Variants in GALNTL6 observed in about 807,000 individuals in gnomAD.
The protein encoded by GALNTL6 is polypeptide N-acetylgalactosaminyltransferase-like 6.
GALNTL6 carries 46 observed loss-of-function variants against 73.7 expected under a neutral mutation model. That is an observed-to-expected ratio of 0.62 (90% confidence interval 0.49 to 0.80). The LOEUF (loss-of-function observed/expected upper bound fraction) is 0.80. GALNTL6 is among the 30% of genes least tolerant of loss of function. The pLI is 0.00. For synonymous variants in GALNTL6, 259 were observed against 263.7 expected (o/e 0.98, Z 0.17); for missense variants, 604 against 755.0 (o/e 0.80, Z 2.34).
Position 172,093,175 on chromosome 4 carries a change from A to G in GALNTL6, c.139-136481A>G, listed in dbSNP as rs142879445. ...GCGTGAGCCACTGCTCCCGGCCATA[A>G]AGTTAATTTTAATAAAACCTTGTAA... On this transcript the variant is annotated intron_variant, in intron 2 of 12. Coordinates refer to ENST00000506823, the MANE Select transcript of GALNTL6 (RefSeq NM_001034845.3). Among the ~76,000 whole-genome samples the G allele has an allele frequency of 3.7e-3, 556 of 152,082 alleles. 3 individuals carry two copies. The highest frequency in any genetic ancestry group is 0.013 in the African/African-American group (534 of 41,514).
chr4:172,738,337 C>T (rs1010390545), intron 5 of GALNTL6, among the ~76,000 whole-genome samples: 1 of 152,150 alleles, frequency 6.6e-6, no homozygotes, highest in Non-Finnish European at 1.5e-5. Flanking sequence ...GAAACTGGCT[C>T]ATCCTCATAC....
At chr4:172,418,609 C>G (rs965021210) in intron 5 of GALNTL6, among the ~76,000 whole-genome samples, 14 of 152,118 alleles carry the variant, frequency 9.2e-5, no homozygotes, top group Non-Finnish European at 2.1e-4. Flanking sequence ...GGCTTATGAC[C>G]AAGAGAATAA....
chr4:172,125,037 A>G (rs1282796715), intron 2 of GALNTL6, among the ~76,000 whole-genome samples: 1 of 152,194 alleles, frequency 6.6e-6, no homozygotes, highest in Non-Finnish European at 1.5e-5. Flanking sequence ...AGAAAAAATT[A>G]TGAGAGCTGA....
At chr4:172,203,336 G>C (rs1736014243) in intron 2 of GALNTL6, among the ~76,000 whole-genome samples, 1 of 152,192 alleles carries the variant, frequency 6.6e-6, no homozygotes, top group African/African-American at 2.4e-5. Flanking sequence ...TGTCAAGAAA[G>C]AGGTAAAAAT....
intron 5 of GALNTL6, among the ~76,000 whole-genome samples, chr4:172,384,582 G>C (rs962706058): frequency 6.7e-6 from 1 of 150,150 alleles, no homozygotes; most frequent in African/African-American, 2.5e-5. Flanking sequence ...TTTTTCTACT[G>C]TCTATTCATT....
chr4:172,599,882 T>C (rs1257169426), intron 5 of GALNTL6, among the ~76,000 whole-genome samples: 1 of 152,124 alleles, frequency 6.6e-6, no homozygotes, highest in African/African-American at 2.4e-5. Flanking sequence ...GATTGCCAGC[T>C]GATGAGAGTG....
intron 2 of GALNTL6, among the ~76,000 whole-genome samples, chr4:171,828,728 T>C (rs1352687045): frequency 6.6e-6 from 1 of 152,162 alleles, no homozygotes; most frequent in Non-Finnish European, 1.5e-5. Context: ...GTTCAAACGA[T>C]TCTCCGGCCT....
At chr4:171,975,049 C>T (rs76960519) in intron 2 of GALNTL6, among the ~76,000 whole-genome samples, 9,334 of 152,084 alleles carry the variant, frequency 0.061, 868 homozygotes, top group African/African-American at 0.19. Flanking sequence ...ATTCAAACAC[C>T]GAGTGGGAAA....
intron 2 of GALNTL6, among the ~76,000 whole-genome samples, chr4:172,042,342 A>G (rs911949543): frequency 2.0e-5 from 3 of 152,148 alleles, no homozygotes; most frequent in South Asian, 2.1e-4. Flanking sequence ...TGAGATACTG[A>G]CCTTGATGTT....
At chr4:172,646,226 G>C (rs1336478826) in intron 5 of GALNTL6, among the ~76,000 whole-genome samples, 2 of 151,948 alleles carry the variant, frequency 1.3e-5, no homozygotes, top group South Asian at 4.1e-4. Flanking sequence ...ATCAGCTCTT[G>C]AATTCCTCCC....
chr4:172,495,534 C>T (rs915430029), intron 5 of GALNTL6, among the ~76,000 whole-genome samples: 1 of 152,174 alleles, frequency 6.6e-6, no homozygotes, highest in African/African-American at 2.4e-5. Context: ...TAGACTCCTC[C>T]CGCTTTTGTC....
chr4:171,871,202 T>C (rs1177637983), intron 2 of GALNTL6, among the ~76,000 whole-genome samples: 1 of 152,132 alleles, frequency 6.6e-6, no homozygotes, highest in African/African-American at 2.4e-5. Context: ...ATGCACACAG[T>C]ACAGAATCCT....
intron 7 of GALNTL6, among the ~76,000 whole-genome samples, chr4:172,880,442 G>C (rs1316200809): frequency 1.3e-5 from 2 of 152,040 alleles, no homozygotes; most frequent in South Asian, 2.1e-4. Context: ...TGTATATATA[G>C]TTGTAGAAAA....
At chr4:172,038,594 T>G (rs1742001666) in intron 2 of GALNTL6, among the ~76,000 whole-genome samples, 1 of 152,174 alleles carries the variant, frequency 6.6e-6, no homozygotes, top group Non-Finnish European at 1.5e-5. Context: ...AATTAATACA[T>G]TAAATAATAG....
At chr4:172,727,483 A>G (rs1347086261) in intron 5 of GALNTL6, among the ~76,000 whole-genome samples, 1 of 152,236 alleles carries the variant, frequency 6.6e-6, no homozygotes, top group African/African-American at 2.4e-5. Flanking sequence ...TAATCTAATA[A>G]ATTAGCCAAA....
At chr4:171,862,650 C>T (rs745946849) in intron 2 of GALNTL6, among the ~76,000 whole-genome samples, 3 of 151,650 alleles carry the variant, frequency 2.0e-5, no homozygotes, top group South Asian at 2.1e-4. Flanking sequence ...ATTAGAAAGT[C>T]GACTGCATTT....
At chr4:171,842,662 C>T (rs116417040) in intron 2 of GALNTL6, among the ~76,000 whole-genome samples, 1 of 151,982 alleles carries the variant, frequency 6.6e-6, no homozygotes. Context: ...AGGTCCTAGA[C>T]TCTTAAACAA....
At chr4:172,806,427 C>T (rs1172561031) in intron 5 of GALNTL6, among the ~76,000 whole-genome samples, 3 of 152,298 alleles carry the variant, frequency 2.0e-5, no homozygotes, top group African/African-American at 7.2e-5. Flanking sequence ...AGACAGCCCT[C>T]ACTGAGTTCT....
At chr4:171,866,927 C>T (rs1002188576) in intron 2 of GALNTL6, among the ~76,000 whole-genome samples, 1 of 152,172 alleles carries the variant, frequency 6.6e-6, no homozygotes, top group African/African-American at 2.4e-5. Context: ...GAGACACACA[C>T]ATTCAGTCCA....
Sources: gnomAD v4.1 joint callset for allele counts (sites outside exome capture counted in the v4.1 genomes callset) on GRCh38, gnomAD v4.1.1 for gene constraint, MANE v1.5 for transcripts, NCBI Gene and HGNC (gene_info 2026-07-23, HGNC 2026-07-21) for gene names.